The following ZNF420 variants were observed in gnomAD, a reference collection of about 807,000 sequenced individuals.
ZNF420 encodes zinc finger protein 420.
In ZNF420, 31 loss-of-function variants were observed where a neutral mutation model predicts 44.7. The observed-to-expected ratio is 0.69, with a 90% CI of 0.52 to 0.94. ZNF420 has a LOEUF of 0.94. Ranked by LOEUF, ZNF420 falls within the 40% of genes least tolerant of loss-of-function variation. The pLI, the probability that ZNF420 is intolerant of heterozygous loss-of-function variation, is 0.00. For missense variants in ZNF420, 681 were observed against 827.9 expected (o/e 0.82, Z 2.18); for synonymous variants, 245 against 267.4 (o/e 0.92, Z 0.82).
At chr19:37,121,679 T>G (rs936684843) in intron 4 of ZNF420, among the ~76,000 whole-genome samples, 10 of 151,744 alleles carry the variant, frequency 6.6e-5, no homozygotes, top group Non-Finnish European at 1.5e-4. Context: ...ACCATCAGAG[T>G]GAACAGGCAA....
At chr19:37,071,922 G>A (rs997536948) in intron 1 of ZNF420, among the ~76,000 whole-genome samples, 2 of 151,992 alleles carry the variant, frequency 1.3e-5, no homozygotes, top group African/African-American at 4.8e-5. Flanking sequence ...ATATTTAATA[G>A]AAACTATCTT....
chr19:37,032,349 A>G (rs1967275459), intron 1 of ZNF420, among the ~76,000 whole-genome samples: 1 of 150,052 alleles, frequency 6.7e-6, no homozygotes, highest in African/African-American at 2.5e-5. Context: ...AACCCAAAAA[A>G]CTAAAATTAG....
intron 1 of ZNF420, among the ~76,000 whole-genome samples, chr19:37,061,414 T>C (rs1967878434): frequency 6.6e-6 from 1 of 152,240 alleles, no homozygotes; most frequent in Admixed American, 6.5e-5. Flanking sequence ...ATGAGTAATT[T>C]GATATTTATC....
At chr19:37,044,871 G>A (rs1967516686) in intron 1 of ZNF420, among the ~76,000 whole-genome samples, 1 of 152,096 alleles carries the variant, frequency 6.6e-6, no homozygotes, top group African/African-American at 2.4e-5. Context: ...ACAAGCAAGG[G>A]GTTACTTTGT....
chr19:37,031,007 C>G (rs528984487), intron 1 of ZNF420, among the ~76,000 whole-genome samples: 10 of 152,226 alleles, frequency 6.6e-5, no homozygotes, highest in African/African-American at 2.4e-4. Context: ...GGTGCCCCCC[C>G]ACCACGCCCG....
chr19:37,039,735 C>G (rs1162274794), intron 1 of ZNF420, among the ~76,000 whole-genome samples: 1 of 149,860 alleles, frequency 6.7e-6, no homozygotes, highest in African/African-American at 2.5e-5. Context: ...CGGTCTCACT[C>G]TGTTGCCCAG....
intron 1 of ZNF420, among the ~76,000 whole-genome samples, chr19:37,031,575 G>A (rs1214586923): frequency 1.3e-5 from 2 of 151,780 alleles, no homozygotes; most frequent in African/African-American, 2.4e-5. Context: ...GCATGATCTC[G>A]GCTCACGGCA....
chr19:37,066,389 G>T (rs1027244883), intron 1 of ZNF420, among the ~76,000 whole-genome samples: 5 of 151,770 alleles, frequency 3.3e-5, no homozygotes, highest in African/African-American at 1.2e-4. Context: ...GTTGCAGTGA[G>T]CCGAGATTGC....
intron 2 of ZNF420, among the ~76,000 whole-genome samples, 170 bp downstream of exon 2, chr19:37,080,558 A>G (rs1968380884): frequency 6.6e-6 from 1 of 152,206 alleles, no homozygotes; most frequent in Admixed American, 6.5e-5. Flanking sequence ...TGCTTCCCCA[A>G]TAGTGGTTAA....
chr19:37,085,478 G>A (rs1244013092), intron 2 of ZNF420, among the ~76,000 whole-genome samples: 1 of 152,214 alleles, frequency 6.6e-6, no homozygotes, highest in African/African-American at 2.4e-5. Flanking sequence ...CAGGGGAAAG[G>A]TGGCCTCCCC....
intron 1 of ZNF420, among the ~76,000 whole-genome samples, chr19:37,016,117 CT>C (rs2074607129): frequency 6.6e-6 from 1 of 152,218 alleles, no homozygotes; most frequent in South Asian, 2.1e-4. Flanking sequence ...AACAGGGAAA[CT>C]TTTGGTCCTC....
In ZNF420 at chr19:37,129,707, TAAA is replaced by T. The variant is rs34862836; in HGVS notation, c.*660_*662del. 7.3e-4 allele frequency: 106 copies of T among 145,914 alleles called. No individual in the cohort carries two copies. The highest frequency in any genetic ancestry group is 2.1e-3 in the African/African-American group (79 of 38,490). The allele number at this position is 145,914 out of a possible 1,614,324, so 9.0% of individuals were successfully genotyped here. ...TGCTATAAGAGGAAATTCATACTGT[TAAA>T]AAAAAAAAAACCCAGTGGATATAAT... On this transcript the variant is annotated 3_prime_UTR_variant, in exon 5 of 5. Transcript: ENST00000337995.
chr19:37,043,165 T>C (rs1309107104), intron 1 of ZNF420, among the ~76,000 whole-genome samples: 1 of 152,226 alleles, frequency 6.6e-6, no homozygotes, highest in African/African-American at 2.4e-5. Context: ...ATTACCAAAA[T>C]GTGACAGAGT....
rs12461501 is a variant in ZNF420, at chr19:37,084,931, T to C, written c.-80-4108T>C. 6.2e-3 allele frequency among the ~76,000 whole-genome samples: 943 copies of C among 152,320 alleles called. 28 individuals are homozygous for C. The highest frequency in any genetic ancestry group is 0.05 in the East Asian group (258 of 5,182). The stretch of plus-strand genomic sequence containing the variant: ...AAACTGTATTAATCTTTTGAAAGAA[T>C]TGATTTTTGAGTTTGTTGATATTCT... On this transcript the variant is annotated intron_variant, in intron 2 of 4. Coordinates refer to ENST00000337995, the MANE Select transcript of ZNF420 (RefSeq NM_144689.5).
intron 1 of ZNF420, among the ~76,000 whole-genome samples, chr19:37,072,864 ATAT>A (rs150051073): frequency 0.068 from 10,327 of 152,238 alleles, 605 homozygotes; most frequent in African/African-American, 0.15. Flanking sequence ...GTCTTTTTAA[ATAT>A]TATGAACATT....
chr19:37,050,365 ATTTG>A (rs1401652223), intron 1 of ZNF420, among the ~76,000 whole-genome samples: 5 of 152,028 alleles, frequency 3.3e-5, no homozygotes, highest in African/African-American at 1.2e-4. Context: ...ATGTTCTTCC[ATTTG>A]TTTGTATCCT....
At chr19:37,051,264 T>C (rs1392161662) in intron 1 of ZNF420, among the ~76,000 whole-genome samples, 2 of 152,224 alleles carry the variant, frequency 1.3e-5, no homozygotes, top group Admixed American at 1.3e-4. Context: ...TCCCTCTTTT[T>C]CTATTTATTG....
At position 37,127,881 on chromosome 19, in the gene ZNF420, A is replaced by G; in HGVS notation, c.890A>G (p.His297Arg). 1.2e-6 allele frequency: 2 copies of G among 1,614,100 alleles called. No homozygotes were observed. Among genetic ancestry groups the G allele is most frequent in the Non-Finnish European group, 8.5e-7 (1 of 1,179,970 alleles). Residue 297 changes from histidine (H) to arginine (R), a missense_variant, in exon 5 of 5, where the codon CAT becomes CGT. This residue lies in a region of ZNF420 where 350 missense variants were observed against 382.5 expected (regional missense o/e 0.92). Transcript: ENST00000337995. Reference protein sequence around the residue: ...VFTQLSQLILHKRIHTGEKPY... With the variant: ...VFTQLSQLILRKRIHTGEKPY... ...ACTCAGCTCTCACAACTTATTCTGC[A>G]TAAGAGAATTCATACCGGTGAGAAA...
intron 4 of ZNF420, among the ~76,000 whole-genome samples, chr19:37,096,757 A>T (rs552481841): frequency 1.3e-5 from 2 of 152,180 alleles, no homozygotes; most frequent in African/African-American, 4.8e-5. Context: ...GACATCTGTC[A>T]TATTTTTCCA....
Sources: gnomAD v4.1 joint callset for allele counts (sites outside exome capture counted in the v4.1 genomes callset) on GRCh38, gnomAD v4.1.1 for gene constraint, gnomAD v4.1.1 regional missense constraint, MANE v1.5 for transcripts, NCBI Gene and HGNC (gene_info 2026-07-23, HGNC 2026-07-21) for gene names.